The following EIF3H variants were observed in gnomAD, a reference collection of about 807,000 sequenced individuals.
EIF3H encodes eIF-3-gamma.
Under a neutral mutation model 44.2 loss-of-function variants are expected in EIF3H, and 26 were observed. That is an observed-to-expected ratio of 0.59 (90% CI 0.43 to 0.82). The LOEUF is 0.82. EIF3H is among the 40% of genes least tolerant of loss of function. The pLI is 0.00. For synonymous variants in EIF3H, 166 were observed against 151.9 expected (o/e 1.09, Z -0.68); for missense variants, 359 against 432.8 (o/e 0.83, Z 1.51).
At chr8:116,725,269 G>A (rs531542247) in intron 2 of EIF3H, among the ~76,000 whole-genome samples, 1 of 152,318 alleles carries the variant, frequency 6.6e-6, no homozygotes, top group East Asian at 1.9e-4. Context: ...TGGTTGCGGG[G>A]ATGAAAGAGG....
At chr8:116,645,537 C>T (rs746198522) in intron 7 of EIF3H, among the ~76,000 whole-genome samples, 2 of 152,160 alleles carry the variant, frequency 1.3e-5, no homozygotes, top group Non-Finnish European at 2.9e-5. Flanking sequence ...GCTTTGGGAA[C>T]GTTAAGGAGT....
At chr8:116,672,466 A>T (rs995970213) in intron 2 of EIF3H, among the ~76,000 whole-genome samples, 4 of 152,104 alleles carry the variant, frequency 2.6e-5, no homozygotes, top group African/African-American at 9.7e-5. Flanking sequence ...AAAAAATTTT[A>T]AAAATTAGCC....
chr8:116,665,660 T>C (rs1327215835), intron 2 of EIF3H, among the ~76,000 whole-genome samples: 1 of 152,184 alleles, frequency 6.6e-6, no homozygotes, highest in Non-Finnish European at 1.5e-5. Flanking sequence ...CTAACCAAAG[T>C]AGGACTTTTA....
chr8:116,747,298 T>G (rs1815254395), intron 1 of EIF3H, among the ~76,000 whole-genome samples: 1 of 152,168 alleles, frequency 6.6e-6, no homozygotes, highest in South Asian at 2.1e-4. Flanking sequence ...ACTCCTGACC[T>G]CAGGTGATCC....
At chr8:116,661,559 G>A (rs539474387) in intron 2 of EIF3H, among the ~76,000 whole-genome samples, 6 of 152,072 alleles carry the variant, frequency 3.9e-5, no homozygotes, top group African/African-American at 1.2e-4. Flanking sequence ...CAGTCAAAAC[G>A]CTATTATTCC....
chr8:116,675,035 G>T (rs1813822781), intron 2 of EIF3H, among the ~76,000 whole-genome samples: 1 of 152,050 alleles, frequency 6.6e-6, no homozygotes, highest in Admixed American at 6.5e-5. Flanking sequence ...ATTATTTTTG[G>T]AAATAAGCCT....
At chr8:116,760,145 A>G (rs774093411), upstream of EIF3H, among the ~76,000 whole-genome samples, 1 of 152,236 alleles carries the variant, frequency 6.6e-6, no homozygotes, top group Non-Finnish European at 1.5e-5. Flanking sequence ...TCATTACTTC[A>G]TGACTCTCTG....
chr8:116,731,709 T>C (rs929965283), intron 1 of EIF3H, among the ~76,000 whole-genome samples: 44 of 152,308 alleles, frequency 2.9e-4, no homozygotes, highest in Non-Finnish European at 5.3e-4. Context: ...AACATTCATG[T>C]TTTCTGCAGC....
upstream of EIF3H, among the ~76,000 whole-genome samples, chr8:116,756,349 G>A (rs1292741409): frequency 1.3e-5 from 2 of 152,150 alleles, no homozygotes; most frequent in Non-Finnish European, 2.9e-5. Context: ...GTAGCCTTTT[G>A]CTATTAGCTT....
At chr8:116,718,029 C>T (rs1814682880) in intron 2 of EIF3H, among the ~76,000 whole-genome samples, 1 of 152,010 alleles carries the variant, frequency 6.6e-6, no homozygotes. Flanking sequence ...CTACAACGAA[C>T]TCAAACAAGT....
intron 1 of EIF3H, among the ~76,000 whole-genome samples, chr8:116,735,622 T>C (rs1285337312): frequency 6.6e-6 from 1 of 152,092 alleles, no homozygotes; most frequent in Admixed American, 6.6e-5. Flanking sequence ...CAACCCTATC[T>C]TTACGCCACA....
At chr8:116,684,205 T>G (rs1467243304) in intron 2 of EIF3H, among the ~76,000 whole-genome samples, 2 of 152,242 alleles carry the variant, frequency 1.3e-5, no homozygotes, top group Non-Finnish European at 2.9e-5. Flanking sequence ...AAAGAGATGC[T>G]CTTATACAAC....
At chr8:116,753,570 C>T (rs144562220) in intron 1 of EIF3H, among the ~76,000 whole-genome samples, 6 of 152,316 alleles carry the variant, frequency 3.9e-5, no homozygotes, top group African/African-American at 1.4e-4. Flanking sequence ...GGTTCCTTAG[C>T]ATTAATCAAT....
intron 3 of EIF3H, chr8:116,658,221 A>G (rs1456742098): frequency 6.6e-6 from 1 of 152,194 alleles, no homozygotes; most frequent in Non-Finnish European, 1.5e-5. Flanking sequence ...CGTTACATTT[A>G]CTTCTCAGCT....
intron 1 of EIF3H, among the ~76,000 whole-genome samples, chr8:116,739,490 C>T (rs1046476959): frequency 1.3e-5 from 2 of 152,072 alleles, no homozygotes; most frequent in African/African-American, 4.8e-5. Flanking sequence ...CTCTACTAAA[C>T]ATACAAAAAA....
chr8:116,673,806 G>A (rs1303024487), intron 2 of EIF3H, among the ~76,000 whole-genome samples: 1 of 151,984 alleles, frequency 6.6e-6, no homozygotes, highest in Non-Finnish European at 1.5e-5. Context: ...GCATGGTGAC[G>A]CATGCCTGTA....
intron 1 of EIF3H, among the ~76,000 whole-genome samples, chr8:116,735,577 G>A (rs961277608): frequency 4.6e-5 from 7 of 152,082 alleles, no homozygotes; most frequent in Admixed American, 6.6e-5. Flanking sequence ...TGCTTGGGAC[G>A]ACAAGTGTTT....
At chr8:116,652,348 TGAG>T (rs1316312491) in intron 5 of EIF3H, among the ~76,000 whole-genome samples, 1 of 152,036 alleles carries the variant, frequency 6.6e-6, no homozygotes, top group African/African-American at 2.4e-5. Flanking sequence ...CAGTGGGAAA[TGAG>T]GAAACAGTGA....
chr8:116,678,044 A>C lies in EIF3H; in HGVS notation c.290-19064T>G, dbSNP rs552683761. Among the ~76,000 whole-genome samples, 61 of 152,136 alleles carry C rather than the reference A, an allele frequency of 4.0e-4. 1 individual carries two copies. In the South Asian group the frequency reaches 0.012, roughly 30 times the overall value. On this transcript the variant is annotated intron_variant, in intron 2 of 7. Coordinates refer to ENST00000521861, the MANE Select transcript of EIF3H (RefSeq NM_003756.3). ...ACGGTCTCCCTCTGATGCCGAGCCA[A>C]AGCTGGACGGTACTGCTGCCATCTC...
Sources: gnomAD v4.1 joint callset for allele counts (sites outside exome capture counted in the v4.1 genomes callset) on GRCh38, gnomAD v4.1.1 for gene constraint, MANE v1.5 for transcripts, NCBI Gene and HGNC (gene_info 2026-07-23, HGNC 2026-07-21) for gene names.